RPS6KC1: variants seen among roughly 807,000 people sequenced by gnomAD.
RPS6KC1 encodes the protein ribosomal protein S6 kinase C1.
RPS6KC1 carries 54 observed loss-of-function variants against 103.8 expected under a neutral mutation model. The observed-to-expected ratio is 0.52, with a 90% CI of 0.42 to 0.65. The LOEUF is 0.65. RPS6KC1 is among the 30% of genes least tolerant of loss of function. The pLI is 0.00. For synonymous variants in RPS6KC1, 439 were observed against 438.7 expected, an observed-to-expected ratio of 1.00 and a Z score of -0.01; for missense variants, 1,151 against 1,253.8, an observed-to-expected ratio of 0.92 and a Z score of 1.24.
At chr1:213,320,939 T>A in the RPS6KC1 span, among the ~76,000 whole-genome samples, 1 of 152,190 alleles carries the variant, frequency 6.6e-6, no homozygotes, top group Non-Finnish European at 1.5e-5. Context: ...CAGTCTTTGC[T>A]GCCCAGTCTG....
intron 8 of RPS6KC1, among the ~76,000 whole-genome samples, chr1:213,217,686 G>A (rs1002642010): frequency 6.6e-6 from 1 of 152,296 alleles, no homozygotes; most frequent in African/African-American, 2.4e-5. Flanking sequence ...GATCAAGTGG[G>A]CTTCATCCCT....
the RPS6KC1 span, among the ~76,000 whole-genome samples, chr1:213,458,907 C>T: frequency 1.3e-5 from 2 of 151,848 alleles, no homozygotes; most frequent in East Asian, 1.9e-4. Flanking sequence ...TGATGGATTA[C>T]GTTTGATTTC....
chr1:213,170,043 A>C (rs1248943417), intron 7 of RPS6KC1, among the ~76,000 whole-genome samples: 2 of 152,188 alleles, frequency 1.3e-5, no homozygotes, highest in Non-Finnish European at 2.9e-5. Flanking sequence ...TTGCCTCGCA[A>C]AGTGCTTGTG....
the RPS6KC1 span, among the ~76,000 whole-genome samples, chr1:213,666,366 G>A: frequency 6.6e-6 from 1 of 152,002 alleles, no homozygotes; most frequent in African/African-American, 2.4e-5. Context: ...CTTCCACATC[G>A]CATGGCCCTG....
At chr1:213,152,475 T>G (rs1220215885) in intron 6 of RPS6KC1, among the ~76,000 whole-genome samples, 1 of 146,298 alleles carries the variant, frequency 6.8e-6, no homozygotes, top group Non-Finnish European at 1.5e-5. Context: ...GGCTCCTCAC[T>G]TCCCAGACGG....
chr1:213,677,615 C>G, the RPS6KC1 span, among the ~76,000 whole-genome samples: 1 of 151,474 alleles, frequency 6.6e-6, no homozygotes, highest in East Asian at 1.9e-4. Context: ...TTTCCAGACT[C>G]TGTTCAGATT....
At chr1:213,771,806 A>G in the RPS6KC1 span, among the ~76,000 whole-genome samples, 2 of 152,246 alleles carry the variant, frequency 1.3e-5, no homozygotes, top group Non-Finnish European at 2.9e-5. Flanking sequence ...TAATATGAAC[A>G]CTTAGCAATG....
the RPS6KC1 span, among the ~76,000 whole-genome samples, chr1:213,710,603 A>G: frequency 2.0e-5 from 3 of 152,134 alleles, no homozygotes; most frequent in Non-Finnish European, 4.4e-5. Context: ...TAGTTTCTTC[A>G]TAGTGTCAAT....
the RPS6KC1 span, among the ~76,000 whole-genome samples, chr1:213,506,526 A>G: frequency 3.3e-5 from 5 of 152,140 alleles, no homozygotes; most frequent in Non-Finnish European, 7.4e-5. Context: ...TTCAACATCT[A>G]TGGGTCACCC....
intron 6 of RPS6KC1, among the ~76,000 whole-genome samples, chr1:213,150,809 G>A (rs539812944): frequency 0.015 from 2,226 of 152,294 alleles, 49 homozygotes; most frequent in African/African-American, 0.05. Flanking sequence ...ATCCTGGCCC[G>A]TTCTCAATGA....
chr1:213,733,997 A>C, the RPS6KC1 span, among the ~76,000 whole-genome samples: 107 of 152,346 alleles, frequency 7.0e-4, no homozygotes, highest in African/African-American at 2.6e-3. Context: ...AATGCTTTGA[A>C]GAAACCCATC....
the RPS6KC1 span, among the ~76,000 whole-genome samples, chr1:213,469,667 C>T: frequency 6.6e-6 from 1 of 151,290 alleles, no homozygotes; most frequent in African/African-American, 2.4e-5. Flanking sequence ...ATCATTTCAA[C>T]AGTAAGTGTC....
the RPS6KC1 span, among the ~76,000 whole-genome samples, chr1:213,516,659 G>A: frequency 5.9e-5 from 9 of 152,132 alleles, no homozygotes; most frequent in Non-Finnish European, 1.0e-4. Context: ...TTTTGGCATC[G>A]ATGTTCATCA....
the RPS6KC1 span, among the ~76,000 whole-genome samples, chr1:213,425,529 A>G: frequency 6.6e-6 from 1 of 152,224 alleles, no homozygotes; most frequent in Non-Finnish European, 1.5e-5. Flanking sequence ...CTAATGTATC[A>G]TCTAATTGGG....
At chr1:213,794,193 A>T in the RPS6KC1 span, among the ~76,000 whole-genome samples, 1 of 152,210 alleles carries the variant, frequency 6.6e-6, no homozygotes, top group African/African-American at 2.4e-5. Flanking sequence ...AACCCATATT[A>T]AGTATTCTAA....
At chr1:213,165,418 G>T (rs556297842) in intron 6 of RPS6KC1, among the ~76,000 whole-genome samples, 62 of 151,030 alleles carry the variant, frequency 4.1e-4, no homozygotes, top group African/African-American at 1.3e-3. Flanking sequence ...TTTTTTTGTT[G>T]TTGTTGTTGT....
chr1:213,562,513 C>T, the RPS6KC1 span, among the ~76,000 whole-genome samples: 2 of 151,418 alleles, frequency 1.3e-5, no homozygotes, highest in Non-Finnish European at 2.9e-5. Flanking sequence ...CCTCAGCCTC[C>T]CAAGTAGCTG....
At chr1:213,228,742 A>G (rs2094017669) in intron 8 of RPS6KC1, among the ~76,000 whole-genome samples, 1 of 152,064 alleles carries the variant, frequency 6.6e-6, no homozygotes, top group South Asian at 2.1e-4. Context: ...AATAAGATAA[A>G]ACAAAATAAA....
chr1:213,059,613 A>T (rs564982802), intron 1 of RPS6KC1, among the ~76,000 whole-genome samples: 40 of 152,224 alleles, frequency 2.6e-4, no homozygotes, highest in South Asian at 1.4e-3. Flanking sequence ...TTCCGGGTTC[A>T]AGTGATTCTC....
Sources: gnomAD v4.1 joint callset for allele counts (sites outside exome capture counted in the v4.1 genomes callset) on GRCh38, gnomAD v4.1.1 for gene constraint, MANE v1.5 for transcripts, NCBI Gene and HGNC (gene_info 2026-07-23, HGNC 2026-07-21) for gene names.